The following SGIP1 variants were observed in gnomAD, a reference collection of about 807,000 sequenced individuals.
SGIP1 encodes the protein SH3GL interacting endocytic adaptor 1.
SGIP1 carries 38 observed loss-of-function variants against 107.5 expected under a neutral mutation model. The observed-to-expected ratio is 0.35, with a 90% CI of 0.27 to 0.46. The LOEUF is 0.46. SGIP1 is among the 20% of genes least tolerant of loss of function. The probability of loss-of-function intolerance (pLI) is 1.00; values close to 1 mark genes in which losing one functional copy is unlikely to be tolerated. For missense variants in SGIP1, 929 were observed against 1,019.5 expected (o/e 0.91, Z 1.21); for synonymous variants, 365 against 366.1 (o/e 1.00, Z 0.03).
chr1:66,679,562 A>G, intron 13 of SGIP1, 116 bp from the exon 14 acceptor site: 1 of 1,071,816 alleles, frequency 9.3e-7, no homozygotes, highest in Middle Eastern at 2.0e-4. Flanking sequence ...ATTAATTGCT[A>G]TTCCATTTCC....
chr1:66,698,733 A>G (rs187017775), intron 18 of SGIP1, among the ~76,000 whole-genome samples: 265 of 152,248 alleles, frequency 1.7e-3, no homozygotes, highest in Non-Finnish European at 3.1e-3. Flanking sequence ...GAAGCTATCA[A>G]GTATTCTGAG....
chr1:66,658,127 A>C (rs2080157651), intron 7 of SGIP1, among the ~76,000 whole-genome samples: 1 of 152,178 alleles, frequency 6.6e-6, no homozygotes, highest in Non-Finnish European at 1.5e-5. Flanking sequence ...GTTCATGTTT[A>C]GTCTTCTGAT....
chr1:66,599,524 A>T (rs1467186206), intron 1 of SGIP1, among the ~76,000 whole-genome samples: 1 of 152,144 alleles, frequency 6.6e-6, no homozygotes, highest in East Asian at 1.9e-4. Flanking sequence ...AATCCCTTTT[A>T]CAAAGCTGTA....
intron 19 of SGIP1, among the ~76,000 whole-genome samples, chr1:66,728,199 A>C (rs937184964): frequency 6.6e-6 from 1 of 152,244 alleles, no homozygotes; most frequent in Non-Finnish European, 1.5e-5. Flanking sequence ...TACATAAAAC[A>C]ACATGCTAAA....
chr1:66,718,388 C>T (rs1428358053), intron 18 of SGIP1, among the ~76,000 whole-genome samples: 1 of 144,488 alleles, frequency 6.9e-6, no homozygotes, highest in Admixed American at 6.8e-5. Flanking sequence ...ATACAGGAAA[C>T]TGTTTCATTT....
intron 17 of SGIP1, chr1:66,694,757 C>T: frequency 2.6e-6 from 1 of 378,398 alleles, no homozygotes; most frequent in Non-Finnish European, 4.7e-6. Context: ...GATGCTATTG[C>T]TTTGTGAATT....
At chr1:66,710,440 C>T (rs1351273322) in intron 18 of SGIP1, among the ~76,000 whole-genome samples, 1 of 152,090 alleles carries the variant, frequency 6.6e-6, no homozygotes, top group Non-Finnish European at 1.5e-5. Context: ...CTGTAATTTA[C>T]ATAAACTAAT....
chr1:66,742,988 G>C, intron 24 of SGIP1, 85 bp from the exon 25 acceptor site: 1 of 1,386,190 alleles, frequency 7.2e-7, no homozygotes, highest in Non-Finnish European at 1.0e-6. Flanking sequence ...TAGGGGTAGG[G>C]AAGGAGGAAT....
intron 18 of SGIP1, among the ~76,000 whole-genome samples, chr1:66,709,399 T>G (rs1328673695): frequency 6.6e-6 from 1 of 152,090 alleles, no homozygotes. Context: ...TGGAGTCAAG[T>G]GAATCTAGAT....
chr1:66,648,303 C>G (rs182760551), intron 7 of SGIP1, among the ~76,000 whole-genome samples: 1 of 152,258 alleles, frequency 6.6e-6, no homozygotes, highest in East Asian at 1.9e-4. Flanking sequence ...GAAGATTCTG[C>G]ATGGTGCATT....
intron 1 of SGIP1, among the ~76,000 whole-genome samples, chr1:66,568,140 G>A (rs939617448): frequency 5.3e-5 from 8 of 152,084 alleles, no homozygotes; most frequent in Non-Finnish European, 1.2e-4. Context: ...CCATGAGCAT[G>A]GAATGTTTTT....
At chr1:66,735,967 A>G (rs17097270) in intron 21 of SGIP1, among the ~76,000 whole-genome samples, 5,163 of 151,558 alleles carry the variant, frequency 0.034, 303 homozygotes, top group African/African-American at 0.12. Flanking sequence ...TCTTCAAATG[A>G]AGGAAGTTGT....
intron 21 of SGIP1, among the ~76,000 whole-genome samples, chr1:66,736,416 T>TGTG (rs2094250582): frequency 2.2e-5 from 2 of 89,702 alleles, no homozygotes; most frequent in African/African-American, 4.0e-5. Flanking sequence ...TATGTGAATA[T>TGTG]AATATATTGC....
chr1:66,538,851 G>C (rs2054227660), intron 1 of SGIP1, among the ~76,000 whole-genome samples: 1 of 152,174 alleles, frequency 6.6e-6, no homozygotes, highest in Admixed American at 6.5e-5. Flanking sequence ...GGATGTTGCT[G>C]TTTGAAGGAA....
chr1:66,546,236 C>T (rs140849867), intron 1 of SGIP1, among the ~76,000 whole-genome samples: 4 of 152,296 alleles, frequency 2.6e-5, no homozygotes, highest in East Asian at 1.9e-4. Flanking sequence ...CCATCTGCCA[C>T]GTAGGATCAC....
chr1:66,747,329 T>C lies in SGIP1; in HGVS notation c.*4234T>C, dbSNP rs12723842. Reference sequence around the variant, plus strand: ...GCATTAAATTCTAAGATGAAAACCATTTTTCTAGTCAGTTTATTTTTCATT... The same window carrying C: ...GCATTAAATTCTAAGATGAAAACCACTTTTCTAGTCAGTTTATTTTTCATT... On this transcript the variant is annotated 3_prime_UTR_variant, in exon 25 of 25. Coordinates refer to ENST00000371037, the MANE Select transcript of SGIP1 (RefSeq NM_032291.4). The C allele has an allele frequency of 1.3e-5, 2 of 152,056 alleles. No individual in the cohort carries two copies. Among genetic ancestry groups the C allele is most frequent in the Admixed American group, 1.3e-4 (2 of 15,262 alleles). 9.4% of individuals were successfully genotyped at this position (152,056 alleles called of 1,614,324 possible).
At chr1:66,700,469 C>T (rs2091740518) in intron 18 of SGIP1, among the ~76,000 whole-genome samples, 1 of 151,886 alleles carries the variant, frequency 6.6e-6, no homozygotes, top group African/African-American at 2.4e-5. Context: ...CTCATTCAGT[C>T]CTTGCAACAA....
At chr1:66,667,604 G>A in intron 9 of SGIP1, 63 bp downstream of exon 9, 1 of 1,507,638 alleles carries the variant, frequency 6.6e-7, no homozygotes, top group Non-Finnish European at 9.2e-7. Flanking sequence ...AAGGCAAGGT[G>A]GCCAGGTTGG....
intron 18 of SGIP1, among the ~76,000 whole-genome samples, chr1:66,705,430 A>G (rs1037347989): frequency 1.3e-5 from 2 of 152,218 alleles, no homozygotes; most frequent in Non-Finnish European, 2.9e-5. Context: ...GGGTAATATT[A>G]ATTGTTCAAG....
Sources: gnomAD v4.1 joint callset for allele counts (sites outside exome capture counted in the v4.1 genomes callset) on GRCh38, gnomAD v4.1.1 for gene constraint, MANE v1.5 for transcripts, NCBI Gene and HGNC (gene_info 2026-07-23, HGNC 2026-07-21) for gene names.